DST: variants seen among roughly 807,000 people sequenced by gnomAD.
The protein encoded by DST is bullous pemphigoid antigen.
Under a neutral mutation model 875.2 loss-of-function variants are expected in DST, and 253 were observed. That is an observed-to-expected ratio of 0.29 (90% CI 0.26 to 0.32). The LOEUF is 0.32. DST is among the 10% of genes least tolerant of loss of function. DST has a pLI of 1.00. For synonymous variants in DST, 3,124 were observed against 3,197.1 expected, an observed-to-expected ratio of 0.98 and a Z score of 0.77; for missense variants, 8,287 against 9,111.6, an observed-to-expected ratio of 0.91 and a Z score of 3.68.
intron 44 of DST, 105 bp from the exon 45 acceptor site, chr6:56,600,326 C>T: frequency 9.2e-7 from 1 of 1,089,076 alleles, no homozygotes; most frequent in East Asian, 2.4e-5. Context: ...GTCTAATAAG[C>T]TTTTATAAGT....
intron 68 of DST, 31 bp downstream of exon 68, chr6:56,527,462 A>C: frequency 6.2e-7 from 1 of 1,603,926 alleles, no homozygotes; most frequent in Non-Finnish European, 8.5e-7. Flanking sequence ...AAGATAAAAG[A>C]CTAATCCAAA....
rs775833264 is a variant in DST, at chr6:56,473,963, C to T, written c.21904G>A (p.Asp7302Asn). ...EEMTRKQPDVDKVTKTYKRRA... is the reference protein window; with the variant it reads ...EEMTRKQPDVNKVTKTYKRRA... ...CTCTTATAGGTCTTCGTTACTTTATCAACATCAGGCTGTTTTCTGGTCATT... is the reference window on the plus strand; with the variant it reads ...CTCTTATAGGTCTTCGTTACTTTATTAACATCAGGCTGTTTTCTGGTCATT... The change falls in exon 93 of 104, where the codon GAT becomes AAT. Residue 7302 changes from aspartate (D) to asparagine (N), a missense_variant. Around this residue, in one of 10 missense-constraint regions of DST, gnomAD observed 1,292 missense variants for 1,552.7 expected, o/e 0.83. Coordinates refer to ENST00000680361, the MANE Select transcript of DST (RefSeq NM_001374736.1). 1 of 1,582,782 alleles carries T rather than the reference C, an allele frequency of 6.3e-7. No individual in the cohort carries two copies. Among genetic ancestry groups the T allele is most frequent in the East Asian group, 2.3e-5 (1 of 44,168 alleles).
intron 44 of DST, 62 bp from the exon 45 acceptor site, chr6:56,600,283 T>G (rs2152701593): frequency 3.4e-6 from 5 of 1,485,328 alleles, no homozygotes; most frequent in Non-Finnish European, 3.7e-6. Flanking sequence ...GCTATTGTGA[T>G]AGCTTCTTAT....
chr6:56,834,243 A>G (rs2099790799), intron 4 of DST, among the ~76,000 whole-genome samples: 1 of 152,130 alleles, frequency 6.6e-6, no homozygotes, highest in South Asian at 2.1e-4. Context: ...AAAATGCTTA[A>G]AAAGCGGGCA....
At chr6:56,954,379 C>T (rs371602025) in intron 1 of DST, 28 bp downstream of exon 1, 1 of 1,353,090 alleles carries the variant, frequency 7.4e-7, no homozygotes, top group Non-Finnish European at 9.9e-7. Flanking sequence ...CCTGGTAGCC[C>T]GCAGAAACCC....
chr6:56,604,218 A>G lies in DST; in HGVS notation c.10410T>C (p.His3470=). The G allele has an allele frequency of 1.2e-6, 2 of 1,607,702 alleles. No homozygotes were observed. Among genetic ancestry groups the G allele is most frequent in the Non-Finnish European group, 1.7e-6 (2 of 1,176,466 alleles). Residue 3470 remains histidine, a synonymous_variant, in exon 40 of 104, where the codon CAT becomes CAC. Coordinates refer to ENST00000680361, the MANE Select transcript of DST (RefSeq NM_001374736.1). ...CTCTTTTCTCTAGGTCATACTCCAT[A>G]TGAGTTAATTCTCTCATCAATTCAA... is the stretch of plus-strand genomic sequence containing the variant. ...GVFELMRELT[H]MEYDLEKRGI...
chr6:56,787,621 C>T (rs867939906), intron 4 of DST, among the ~76,000 whole-genome samples: 20 of 152,200 alleles, frequency 1.3e-4, no homozygotes, highest in Middle Eastern at 3.4e-3. Flanking sequence ...GAATTAATAT[C>T]AAAACTTACA....
intron 4 of DST, among the ~76,000 whole-genome samples, chr6:56,779,920 C>A (rs925471810): frequency 7.2e-6 from 1 of 138,382 alleles, no homozygotes; most frequent in African/African-American, 2.7e-5. Flanking sequence ...GTTCCCCTTC[C>A]TGTGTCCATG....
chr6:56,463,665 C>T lies in DST; in HGVS notation c.22859G>A (p.Arg7620Gln), dbSNP rs768734906. Residue 7620 changes from arginine (R) to glutamine (Q), a missense_variant, in exon 101 of 104, where the codon CGG (arginine) becomes CAG (glutamine). Arg to Gln is a conservative substitution (Grantham distance 43). Transcript: ENST00000680361. ...GGGTGAAGCGCCTCGTGATGATGGC[C>T]GGGATCTTCGGCCTCGGGGTCGGAA... is the stretch of plus-strand genomic sequence containing the variant. ...AAFRPRGRRS[R>Q]PSSRGASPNR... 5.0e-6 allele frequency: 8 copies of T among 1,613,938 alleles called. No homozygotes were observed. Among genetic ancestry groups the T allele is most frequent in the South Asian group, 4.4e-5 (4 of 91,078 alleles).
At position 56,552,200 on chromosome 6, in the gene DST, T is replaced by A. The variant is rs756517173; in HGVS notation, c.16592A>T (p.Gln5531Leu). The change falls in exon 61 of 104, where the codon CAG becomes CTG. Residue 5531 changes from glutamine to leucine, a missense_variant. Physicochemically the swap from Gln to Leu is moderately radical, Grantham distance 113. Around this residue, in one of 10 missense-constraint regions of DST, gnomAD observed 777 missense variants for 764.8 expected, o/e 1.02. Transcript: ENST00000680361. ...VGMETETINQ[Q>L]LNMFKVFQKE... Reference sequence around the variant, plus strand: ...GTTCCCTACCTTGAACATGTTAAGCTGCTGATTAATTGTCTCCGTTTCCAT... The same window carrying A: ...GTTCCCTACCTTGAACATGTTAAGCAGCTGATTAATTGTCTCCGTTTCCAT... The A allele has an allele frequency of 5.1e-5, 82 of 1,610,446 alleles. No homozygotes were observed. The highest frequency in any genetic ancestry group is 6.3e-5 in the Non-Finnish European group (74 of 1,178,154).
chr6:56,592,158 G>A, intron 49 of DST, 24 bp downstream of exon 49: 1 of 1,604,914 alleles, frequency 6.2e-7, no homozygotes, highest in Middle Eastern at 1.7e-4. Context: ...TACTGGAAAT[G>A]TGGATCTTTC....
At chr6:56,751,570 G>A (rs1286179821) in intron 4 of DST, among the ~76,000 whole-genome samples, 1 of 152,028 alleles carries the variant, frequency 6.6e-6, no homozygotes. Context: ...AACATACAGG[G>A]TTAAAGCTGC....
chr6:56,859,260 G>A (rs991913735), intron 3 of DST, among the ~76,000 whole-genome samples: 1 of 152,144 alleles, frequency 6.6e-6, no homozygotes, highest in Non-Finnish European at 1.5e-5. Flanking sequence ...TCCACTCAAA[G>A]ATTCTTGGGT....
At chr6:56,693,487 G>T in intron 9 of DST, 1 of 808,628 alleles carries the variant, frequency 1.2e-6, no homozygotes, top group Non-Finnish European at 1.5e-6. Context: ...GATTATGACT[G>T]TTTTTAACCT....
Position 56,552,195 on chromosome 6 carries a change from T to G in DST, c.16597A>C (p.Asn5533His). ...METETINQQL[N>H]MFKVFQKEEI... is the part of the protein sequence containing the mutation. ...GAAGAGTTCCCTACCTTGAACATGT[T>G]AAGCTGCTGATTAATTGTCTCCGTT... Residue 5533 changes from asparagine (N) to histidine (H), a missense_variant, in exon 61 of 104, where the codon AAC (asparagine) becomes CAC (histidine). Physicochemically the swap from Asn to His is moderately conservative, Grantham distance 68. Around this residue, in one of 10 missense-constraint regions of DST, gnomAD observed 777 missense variants for 764.8 expected, o/e 1.02. Transcript: ENST00000680361. 6.2e-7 allele frequency: 1 copy of G among 1,609,724 alleles called. No homozygotes were observed. Among genetic ancestry groups the G allele is most frequent in the Non-Finnish European group, 8.5e-7 (1 of 1,177,846 alleles).
intron 9 of DST, among the ~76,000 whole-genome samples, chr6:56,675,138 C>T (rs560577392): frequency 1.3e-4 from 20 of 152,024 alleles, no homozygotes; most frequent in Non-Finnish European, 2.2e-4. Flanking sequence ...ACAAAGATGC[C>T]AATAACACAC....
In DST at chr6:56,482,811, G is replaced by A. The variant is rs760322682; in HGVS notation, c.21274C>T (p.Leu7092Phe). Residue 7092 changes from leucine to phenylalanine, a missense_variant, in exon 89 of 104, where the codon CTC (leucine) becomes TTC (phenylalanine). By Grantham distance (22) the Leu-to-Phe change is conservative. This residue lies in a region of DST where 1,292 missense variants were observed against 1,552.7 expected (regional missense o/e 0.83). Coordinates refer to ENST00000680361, the MANE Select transcript of DST (RefSeq NM_001374736.1). ...GAGTCATCCCGACTGCCTTCTATGA[G>A]TTCTCGGGCTGAGCGCTTCAGGGCC... is the stretch of plus-strand genomic sequence containing the variant. ...VQALKRSARE[L>F]IEGSRDDSSW... The A allele has an allele frequency of 6.2e-7, 1 of 1,613,538 alleles. No homozygotes were observed. The highest frequency in any genetic ancestry group is 2.2e-5 in the East Asian group (1 of 44,878).
chr6:56,657,685 T>A (rs1247627224), intron 10 of DST, among the ~76,000 whole-genome samples: 1 of 152,164 alleles, frequency 6.6e-6, no homozygotes, highest in Non-Finnish European at 1.5e-5. Context: ...ACAAAGTAAA[T>A]GTACTTAATG....
intron 100 of DST, 109 bp downstream of exon 100, chr6:56,464,576 A>T (rs2094491409): frequency 1.3e-6 from 1 of 794,324 alleles, no homozygotes; most frequent in South Asian, 1.7e-5. Context: ...GAGTTAAGCC[A>T]TACGCGATGG....
Sources: gnomAD v4.1 joint callset for allele counts (sites outside exome capture counted in the v4.1 genomes callset) on GRCh38, gnomAD v4.1.1 for gene constraint, gnomAD v4.1.1 regional missense constraint, MANE v1.5 for transcripts, NCBI Gene and HGNC (gene_info 2026-07-23, HGNC 2026-07-21) for gene names.